EXOC7: variants seen among roughly 807,000 people sequenced by gnomAD.
The protein encoded by EXOC7 is exocyst complex component 7, also known as exocyst complex component Exo70.
In EXOC7, 51 loss-of-function variants were observed where a neutral mutation model predicts 87.6. The observed-to-expected ratio is 0.58, with a 90% CI of 0.46 to 0.73. EXOC7 has a LOEUF of 0.73. EXOC7 is among the 30% of genes least tolerant of loss of function. The pLI is 0.00. For missense variants in EXOC7, 744 were observed against 888.4 expected, an observed-to-expected ratio of 0.84 and a Z score of 2.07; for synonymous variants, 327 against 357.1, an observed-to-expected ratio of 0.92 and a Z score of 0.95.
At position 76,083,282 on chromosome 17, in the gene EXOC7, C is replaced by G. The variant is rs769656224; in HGVS notation, c.*366G>C. ...CTGTAGGGGAGTTCTCTGTCCCCACCTCTGACCTAGGCTGGAGGGAGGGCC... is the reference window on the plus strand; with the variant it reads ...CTGTAGGGGAGTTCTCTGTCCCCACGTCTGACCTAGGCTGGAGGGAGGGCC... On this transcript the variant is annotated 3_prime_UTR_variant, in exon 19 of 19. Transcript: ENST00000589210. 8.4e-6 allele frequency: 2 copies of G among 239,518 alleles called. No individual in the cohort carries two copies. Among genetic ancestry groups the G allele is most frequent in the African/African-American group, 4.5e-5 (2 of 44,044 alleles). The allele number at this position is 239,518 out of a possible 1,614,324, so 14.8% of individuals were successfully genotyped here.
chr17:76,095,831 G>A (rs993179278), intron 5 of EXOC7, among the ~76,000 whole-genome samples: 13 of 152,086 alleles, frequency 8.5e-5, no homozygotes, highest in African/African-American at 3.1e-4. Flanking sequence ...ATTCACAAAG[G>A]TATGTCCATT....
At chr17:76,085,617 C>G (rs1598297142) in intron 14 of EXOC7, 60 bp downstream of exon 14, 1 of 1,612,112 alleles carries the variant, frequency 6.2e-7, no homozygotes, top group Non-Finnish European at 8.5e-7. Context: ...CAGGGGCTGG[C>G]ACAGCTGCAC....
At chr17:76,096,650 G>A (rs145705241) in intron 5 of EXOC7, among the ~76,000 whole-genome samples, 1,727 of 151,770 alleles carry the variant, frequency 0.011, 25 homozygotes, top group African/African-American at 0.038. Flanking sequence ...GTAACCTCTC[G>A]GGTTCAAGAG....
At chr17:76,101,105 A>G in intron 4 of EXOC7, 166 bp downstream of exon 4, 1 of 1,239,326 alleles carries the variant, frequency 8.1e-7, no homozygotes, top group South Asian at 4.0e-5. Flanking sequence ...ATAATAAAAA[A>G]TGTGCAATTC....
At chr17:76,097,624 A>G (rs2144679299) in intron 5 of EXOC7, among the ~76,000 whole-genome samples, 172 bp downstream of exon 5, 1 of 143,810 alleles carries the variant, frequency 7.0e-6, no homozygotes. Context: ...GAATCGCTGG[A>G]ACCCGGGTAT....
In EXOC7 at chr17:76,081,220, A is replaced by G; in HGVS notation, c.*2428T>C. On this transcript the variant is annotated 3_prime_UTR_variant, in exon 19 of 19. Coordinates refer to ENST00000589210, the MANE Select transcript of EXOC7 (RefSeq NM_001013839.4). ...CCCTGGGCTCCAGTCTGCTACCCCC[A>G]GACTTGGCAGCTGGGATCTCTCCTT... 6.2e-7 allele frequency: 1 copy of G among 1,604,232 alleles called. No homozygotes were observed. Among genetic ancestry groups the G allele is most frequent in the South Asian group, 1.1e-5 (1 of 89,480 alleles).
intron 5 of EXOC7, among the ~76,000 whole-genome samples, 180 bp downstream of exon 5, chr17:76,097,616 A>C (rs2067826554): frequency 6.7e-6 from 1 of 149,292 alleles, no homozygotes; most frequent in Non-Finnish European, 1.5e-5. Flanking sequence ...AGGCAGGAGA[A>C]TCGCTGGAAC....
Position 76,101,380 on chromosome 17 carries a change from G to A in EXOC7, c.312-4C>T. On this transcript the variant is annotated splice_region_variant and splice_polypyrimidine_tract_variant and intron_variant, in intron 3 of 18. Transcript: ENST00000589210. ...CTCTTCCAGCCTACCTGTGGGGCTGGGAAAGAAAAGAGCCAGGTCAGGCTG... is the reference window on the plus strand; with the variant it reads ...CTCTTCCAGCCTACCTGTGGGGCTGAGAAAGAAAAGAGCCAGGTCAGGCTG... 5 of 1,614,004 alleles carry A rather than the reference G, an allele frequency of 3.1e-6. No homozygotes were observed. Among genetic ancestry groups the A allele is most frequent in the Non-Finnish European group, 2.5e-6 (3 of 1,179,962 alleles).
chr17:76,084,430 G>A (rs1473296611), intron 16 of EXOC7, 87 bp downstream of exon 16: 2 of 1,565,066 alleles, frequency 1.3e-6, no homozygotes, highest in East Asian at 2.2e-5. Context: ...TGATCCCAGA[G>A]GGATGCTTGT....
chr17:76,084,811 T>G (rs962864013), intron 15 of EXOC7: 3 of 576,456 alleles, frequency 5.2e-6, no homozygotes, highest in Non-Finnish European at 9.3e-6. Flanking sequence ...GGACAAATAC[T>G]GTCAACTATA....
At chr17:76,083,846 C>T (rs2067084576) in intron 18 of EXOC7, 96 bp from the exon 19 acceptor site, 1 of 1,505,134 alleles carries the variant, frequency 6.6e-7, no homozygotes, top group Non-Finnish European at 9.1e-7. Context: ...GAAGGGGTGG[C>T]CCTGAGCGAT....
chr17:76,089,120 T>G, intron 8 of EXOC7, 55 bp downstream of exon 8: 1 of 1,605,266 alleles, frequency 6.2e-7, no homozygotes, highest in Middle Eastern at 2.0e-4. Flanking sequence ...TGCAAGAGTC[T>G]GTTGTGACAG....
chr17:76,101,938 T>C, intron 2 of EXOC7, 75 bp from the exon 3 acceptor site: 1 of 1,246,978 alleles, frequency 8.0e-7, no homozygotes, highest in Non-Finnish European at 1.1e-6. Context: ...ACCTTCGGCA[T>C]TTCCTGCCTT....
intron 4 of EXOC7, 191 bp downstream of exon 4, chr17:76,101,080 A>G: frequency 9.0e-7 from 1 of 1,105,268 alleles, no homozygotes; most frequent in African/African-American, 1.6e-5. Flanking sequence ...CAAGTTTTAT[A>G]ATAAAGAATT....
At chr17:76,087,935 G>T in intron 11 of EXOC7, 125 bp downstream of exon 11, 1 of 1,137,304 alleles carries the variant, frequency 8.8e-7, no homozygotes, top group Non-Finnish European at 1.3e-6. Context: ...ACCCAGGACT[G>T]CTCACAAAGG....
intron 4 of EXOC7, among the ~76,000 whole-genome samples, chr17:76,100,249 G>A (rs2144698927): frequency 6.6e-6 from 1 of 152,282 alleles, no homozygotes; most frequent in South Asian, 2.1e-4. Context: ...TTCACTTGGA[G>A]AAGATGAACA....
Position 76,082,804 on chromosome 17 carries a change from C to A in EXOC7, c.*844G>T. 2.8e-6 allele frequency: 2 copies of A among 706,654 alleles called. No homozygotes were observed. Among genetic ancestry groups the A allele is most frequent in the Non-Finnish European group, 4.3e-6 (2 of 467,986 alleles). The allele number at this position is 706,654 out of a possible 1,614,324, so 43.8% of individuals were successfully genotyped here. On this transcript the variant is annotated 3_prime_UTR_variant, in exon 19 of 19. Transcript: ENST00000589210. ...GCGTGAAATAAACCCATCTCCAGTG[C>A]AAGTGTGCCTCAAGGGTCAGTCTTC...
chr17:76,084,730 G>A (rs1567957901), intron 15 of EXOC7, 150 bp from the exon 16 acceptor site: 2 of 646,942 alleles, frequency 3.1e-6, no homozygotes, highest in East Asian at 5.5e-5. Flanking sequence ...TTTTCTTCCT[G>A]GGAAGAGAAA....
intron 4 of EXOC7, among the ~76,000 whole-genome samples, chr17:76,098,712 A>C (rs2144688893): frequency 6.6e-6 from 1 of 151,700 alleles, no homozygotes; most frequent in South Asian, 2.1e-4. Flanking sequence ...ATACAAAAAA[A>C]AAAATTAGCC....
Sources: allele counts gnomAD v4.1 joint callset (sites outside exome capture counted in the v4.1 genomes callset), GRCh38; gene constraint gnomAD v4.1.1; transcripts MANE v1.5; gene names NCBI Gene and HGNC (gene_info 2026-07-23, HGNC 2026-07-21).